Variants in GPR63 observed in about 807,000 individuals in gnomAD.
GPR63 encodes the protein G protein-coupled receptor 63.
In GPR63, 12 loss-of-function variants were observed where a neutral mutation model predicts 23.1. The observed-to-expected ratio is 0.52, with a 90% CI of 0.33 to 0.84. GPR63 has a LOEUF of 0.84. Among genes scored for constraint, GPR63 ranks in the 40% least tolerant of loss-of-function variants. GPR63 has a pLI of 0.02. For missense variants in GPR63, 472 were observed against 515.6 expected (o/e 0.92, Z 0.82); for synonymous variants, 172 against 191.1 (o/e 0.90, Z 0.82).
chr6:96,799,556 A>C lies in GPR63; in HGVS notation c.176T>G (p.Leu59Trp). 2 of 1,614,192 alleles carry C rather than the reference A, an allele frequency of 1.2e-6. No individual in the cohort carries two copies. The highest frequency in any genetic ancestry group is 1.7e-6 in the Non-Finnish European group (2 of 1,180,026). ...GGGCACAGCTGTACTATTCACGGTCAAGGAACTCAAACCAGTGGGAGCCAT... is the reference window on the plus strand; with the variant it reads ...GGGCACAGCTGTACTATTCACGGTCCAGGAACTCAAACCAGTGGGAGCCAT... ...ETMAPTGLSS[L>W]TVNSTAVPTT... is the part of the protein sequence containing the mutation. The change falls in exon 2 of 2, where the codon TTG becomes TGG. Residue 59 changes from leucine to tryptophan, a missense_variant. Transcript: ENST00000229955.
intron 1 of GPR63, among the ~76,000 whole-genome samples, chr6:96,811,718 TG>T (rs1774048323): frequency 6.6e-6 from 1 of 152,012 alleles, no homozygotes; most frequent in Non-Finnish European, 1.5e-5. Context: ...TAATTAAAAC[TG>T]GGGGAATGGG....
intron 1 of GPR63, among the ~76,000 whole-genome samples, chr6:96,805,159 G>T (rs980346336): frequency 6.6e-6 from 1 of 152,112 alleles, no homozygotes; most frequent in Admixed American, 6.6e-5. Flanking sequence ...AAGGAACAGA[G>T]GTTTATTTTG....
rs548698643 is a variant in GPR63 at position 96,799,090 on chromosome 6, G to T, written c.642C>A (p.Ala214=). The T allele has an allele frequency of 5.6e-6, 9 of 1,613,976 alleles. No individual in the cohort carries two copies. The East Asian group carries it at 1.8e-4, about 32-fold the overall frequency. ...GTATCTGCAGGTCGGGGTTTCCTAC[G>T]GCTAAAGGAAAAGCTACACAAAAGG... ...ATSFCVAFPL[A]VGNPDLQIPS... The change falls in exon 2 of 2, where the codon GCC becomes GCA. Residue 214 remains alanine (A), a synonymous_variant. Transcript: ENST00000229955.
At chr6:96,810,435 C>T (rs929747152) in intron 1 of GPR63, among the ~76,000 whole-genome samples, 15 of 150,246 alleles carry the variant, frequency 1.0e-4, no homozygotes, top group Admixed American at 2.7e-4. Context: ...GCAGAGGTTG[C>T]AGTTAGCTGA....
intron 1 of GPR63, among the ~76,000 whole-genome samples, chr6:96,813,395 T>C (rs1774090742): frequency 6.6e-6 from 1 of 152,194 alleles, no homozygotes; most frequent in Non-Finnish European, 1.5e-5. Flanking sequence ...TTCTCCTCTT[T>C]GTTTTTAGAG....
In GPR63 at chr6:96,799,486, G is replaced by A; in HGVS notation, c.246C>T (p.Ile82=). 1 of 1,614,144 alleles carries A rather than the reference G, an allele frequency of 6.2e-7. No homozygotes were observed. The highest frequency in any genetic ancestry group is 8.5e-7 in the Non-Finnish European group (1 of 1,180,036). The change falls in exon 2 of 2, where the codon ATC becomes ATT. Residue 82 remains isoleucine (I), a synonymous_variant. Coordinates refer to ENST00000229955, the MANE Select transcript of GPR63 (RefSeq NM_030784.4). ...AFKSLNLPLQ[I]TLSAIMIFIL... ...TGAATATCATTATAGCAGAAAGGGT[G>A]ATCTGAAGAGGCAAGTTTAGGCTCT...
chr6:96,817,217 C>T (rs949843772), intron 1 of GPR63, among the ~76,000 whole-genome samples: 3 of 152,042 alleles, frequency 2.0e-5, no homozygotes, highest in South Asian at 4.1e-4. Context: ...CATATCCAAA[C>T]GGCCAAAACA....
chr6:96,810,345 A>C (rs1164143714), intron 1 of GPR63, among the ~76,000 whole-genome samples: 1 of 151,982 alleles, frequency 6.6e-6, no homozygotes, highest in African/African-American at 2.4e-5. Flanking sequence ...AAAATACAAA[A>C]ATTAGCTGGG....
At chr6:96,815,017 T>C (rs1774128855) in intron 1 of GPR63, among the ~76,000 whole-genome samples, 1 of 152,220 alleles carries the variant, frequency 6.6e-6, no homozygotes, top group Non-Finnish European at 1.5e-5. Context: ...ACACTATGGA[T>C]AAACTATGGG....
intron 1 of GPR63, among the ~76,000 whole-genome samples, chr6:96,824,800 T>C (rs984494161): frequency 1.3e-5 from 2 of 152,100 alleles, no homozygotes; most frequent in Non-Finnish European, 2.9e-5. Context: ...TCGTGAGTTA[T>C]TGTCCCCACA....
rs538934609 is a variant in GPR63 at position 96,809,983 on chromosome 6, C to T, written c.-150-10102G>A. ...TTCTACAGACTTCCACTATGTTATG[C>T]AATCAATATCTCTATTATAGCCTAT... On this transcript the variant is annotated intron_variant, in intron 1 of 1. Coordinates refer to ENST00000229955, the MANE Select transcript of GPR63 (RefSeq NM_030784.4). Among the ~76,000 whole-genome samples, 3 of 152,228 alleles carry T rather than the reference C, an allele frequency of 2.0e-5. No homozygotes were observed. The South Asian group carries it at 6.2e-4, about 32-fold the overall frequency.
chr6:96,808,658 T>C (rs1249726824), intron 1 of GPR63, among the ~76,000 whole-genome samples: 2 of 152,148 alleles, frequency 1.3e-5, no homozygotes, highest in East Asian at 1.9e-4. Flanking sequence ...AGGGCTTCCA[T>C]AAAACTCTGC....
chr6:96,809,963 C>T (rs1472548220), intron 1 of GPR63, among the ~76,000 whole-genome samples: 6 of 152,166 alleles, frequency 3.9e-5, no homozygotes, highest in Non-Finnish European at 7.4e-5. Context: ...TAATCTTCTA[C>T]AGACTTCCAC....
At position 96,798,341 on chromosome 6, in the gene GPR63, T is replaced by C. The variant is rs1271802127; in HGVS notation, c.*131A>G. 2 of 849,556 alleles carry C rather than the reference T, an allele frequency of 2.4e-6. No individual in the cohort carries two copies. Among genetic ancestry groups the C allele is most frequent in the African/African-American group, 3.4e-5 (2 of 58,634 alleles). The allele number at this position is 849,556 out of a possible 1,614,324, so 52.6% of individuals were successfully genotyped here. On this transcript the variant is annotated 3_prime_UTR_variant, in exon 2 of 2. Transcript: ENST00000229955. The stretch of plus-strand genomic sequence containing the variant: ...GGTAACAGAACTATAATTACCATTC[T>C]TTCTTTACACTGCTCACACACATAC...
At chr6:96,836,558 G>C (rs1402924700) in intron 1 of GPR63, among the ~76,000 whole-genome samples, 1 of 151,858 alleles carries the variant, frequency 6.6e-6, no homozygotes, top group Non-Finnish European at 1.5e-5. Flanking sequence ...TGAAAATTTG[G>C]GCAAGCCCTG....
intron 1 of GPR63, among the ~76,000 whole-genome samples, chr6:96,808,181 A>T (rs757352218): frequency 3.9e-5 from 6 of 152,130 alleles, no homozygotes; most frequent in Non-Finnish European, 7.3e-5. Flanking sequence ...TTATATCTAT[A>T]TTTTTTTACC....
intron 1 of GPR63, among the ~76,000 whole-genome samples, chr6:96,824,902 C>T (rs754984626): frequency 4.5e-4 from 68 of 152,134 alleles, no homozygotes; most frequent in South Asian, 8.3e-4. Context: ...GCTGACGCAA[C>T]TGATATTAAG....
chr6:96,833,294 C>T (rs1237552563), intron 1 of GPR63, among the ~76,000 whole-genome samples: 1 of 152,198 alleles, frequency 6.6e-6, no homozygotes, highest in East Asian at 1.9e-4. Flanking sequence ...AAAAATCCTG[C>T]ACCAGACAGC....
At position 96,805,286 on chromosome 6, in the gene GPR63, G is replaced by A. The variant is rs920545628; in HGVS notation, c.-150-5405C>T. Among the ~76,000 whole-genome samples, 22 of 152,124 alleles carry A rather than the reference G, an allele frequency of 1.4e-4. 1 individual carries two copies. The highest frequency in any genetic ancestry group is 1.1e-3 in the Admixed American group (17 of 15,264). The stretch of plus-strand genomic sequence containing the variant: ...AGGGTGAGAGCAGGAACAAGAGAGC[G>A]AGAGGGGTTGGTGCCATACCCTTTT... On this transcript the variant is annotated intron_variant, in intron 1 of 1. Transcript: ENST00000229955.
Sources: gnomAD v4.1 joint callset for allele counts (sites outside exome capture counted in the v4.1 genomes callset) on GRCh38, gnomAD v4.1.1 for gene constraint, MANE v1.5 for transcripts, NCBI Gene and HGNC (gene_info 2026-07-23, HGNC 2026-07-21) for gene names.